The following CNTNAP5 variants were observed in gnomAD, a reference collection of about 807,000 sequenced individuals.
The protein encoded by CNTNAP5 is contactin-associated protein-like 5.
In CNTNAP5, 72 loss-of-function variants were observed where a neutral mutation model predicts 150.2. That is an observed-to-expected ratio of 0.48 (90% CI 0.40 to 0.58). The LOEUF is 0.58. Among genes scored for constraint, CNTNAP5 ranks in the 20% least tolerant of loss-of-function variants. The probability of loss-of-function intolerance (pLI) is 0.00; values close to 1 mark genes in which losing one functional copy is unlikely to be tolerated. For missense variants in CNTNAP5, 1,636 were observed against 1,626.2 expected (o/e 1.01, Z -0.10); for synonymous variants, 672 against 619.8 (o/e 1.08, Z -1.25).
At chr2:124,204,962 G>A (rs982109763) in intron 1 of CNTNAP5, among the ~76,000 whole-genome samples, 14 of 152,274 alleles carry the variant, frequency 9.2e-5, no homozygotes, top group Admixed American at 3.3e-4. Flanking sequence ...CTGAGGCCAG[G>A]AAGTTCACTA....
At chr2:124,600,976 T>G (rs1473473134) in intron 11 of CNTNAP5, among the ~76,000 whole-genome samples, 1 of 152,290 alleles carries the variant, frequency 6.6e-6, no homozygotes, top group South Asian at 2.1e-4. Flanking sequence ...ATCAGTCACC[T>G]TTGCAAGTGA....
At chr2:124,647,985 G>A in intron 13 of CNTNAP5, 27 bp downstream of exon 13, 1 of 1,565,816 alleles carries the variant, frequency 6.4e-7, no homozygotes, top group South Asian at 1.2e-5. Context: ...CATGACCACA[G>A]TGGGATAGAT....
At chr2:124,156,215 G>A (rs79594981) in intron 1 of CNTNAP5, among the ~76,000 whole-genome samples, 8,135 of 152,298 alleles carry the variant, frequency 0.053, 427 homozygotes, top group East Asian at 0.24. Flanking sequence ...AGCAAGACCA[G>A]TGTGGAGCAG....
At chr2:124,298,384 G>T (rs2104643021) in intron 3 of CNTNAP5, among the ~76,000 whole-genome samples, 2 of 152,274 alleles carry the variant, frequency 1.3e-5, no homozygotes, top group South Asian at 4.1e-4. Flanking sequence ...GGTACAGGGA[G>T]AAGGCTTGGA....
intron 13 of CNTNAP5, among the ~76,000 whole-genome samples, chr2:124,653,910 AAC>A (rs1491109649): frequency 5.4e-5 from 1 of 18,382 alleles, no homozygotes; most frequent in African/African-American, 2.1e-4. Context: ...CACTGCCCCC[AAC>A]CCCCCCCCCC....
At chr2:124,391,973 A>G (rs1691125263) in intron 3 of CNTNAP5, among the ~76,000 whole-genome samples, 1 of 152,110 alleles carries the variant, frequency 6.6e-6, no homozygotes. Context: ...AAAACAACAA[A>G]AAAGGGAAAG....
intron 21 of CNTNAP5, among the ~76,000 whole-genome samples, chr2:124,870,409 T>G (rs1262182380): frequency 2.6e-5 from 4 of 152,098 alleles, no homozygotes; most frequent in Non-Finnish European, 5.9e-5. Flanking sequence ...TTCTTTCAAT[T>G]TTTCCTTTTC....
In CNTNAP5 at chr2:124,504,488, G is replaced by C. The variant is rs774172747; in HGVS notation, c.1259G>C (p.Ser420Thr). Residue 420 changes from serine (S) to threonine (T), a missense_variant, in exon 8 of 24, where the codon AGC becomes ACC. Physicochemically the swap from Ser to Thr is moderately conservative, Grantham distance 58 (BLOSUM62 1). Coordinates refer to ENST00000682447, the MANE Select transcript of CNTNAP5 (RefSeq NM_001367498.1). The stretch of plus-strand genomic sequence containing the variant: ...GAGGGCTCGGGAACCCTGCTGCTGA[G>C]CCTGGAGGGTGGAATCCTGAGACTC... ...LSEGSGTLLL[S>T]LEGGILRLVI... 6.8e-6 allele frequency: 11 copies of C among 1,613,790 alleles called. No homozygotes were observed. The highest frequency in any genetic ancestry group is 9.3e-6 in the Non-Finnish European group (11 of 1,179,790).
intron 3 of CNTNAP5, among the ~76,000 whole-genome samples, chr2:124,349,731 T>C (rs951235430): frequency 6.6e-6 from 1 of 152,158 alleles, no homozygotes; most frequent in Non-Finnish European, 1.5e-5. Flanking sequence ...ATATTTTTAC[T>C]CTGAAATAGT....
At position 124,914,289 on chromosome 2, in the gene CNTNAP5, G is replaced by A. The variant is rs764903687; in HGVS notation, c.*1G>A. ...GTGTAAACGGGAATATTTCATCTGA[G>A]AAACTGCAGGGTTCCTACTACTCTT... On this transcript the variant is annotated 3_prime_UTR_variant, in exon 24 of 24. Transcript: ENST00000682447. The A allele has an allele frequency of 1.2e-6, 2 of 1,605,620 alleles. No individual in the cohort carries two copies. Among genetic ancestry groups the A allele is most frequent in the East Asian group, 2.2e-5 (1 of 44,646 alleles).
At chr2:124,840,624 G>A (rs1456541188) in intron 19 of CNTNAP5, among the ~76,000 whole-genome samples, 1 of 152,026 alleles carries the variant, frequency 6.6e-6, no homozygotes, top group African/African-American at 2.4e-5. Flanking sequence ...TCACAATCCA[G>A]AAAAGCTTTC....
intron 1 of CNTNAP5, among the ~76,000 whole-genome samples, chr2:124,157,299 A>G (rs1415410044): frequency 6.6e-6 from 1 of 152,166 alleles, no homozygotes; most frequent in Non-Finnish European, 1.5e-5. Flanking sequence ...CATTTGATAA[A>G]TGTTTTTGAA....
At chr2:124,626,997 G>A (rs1677738175) in intron 12 of CNTNAP5, among the ~76,000 whole-genome samples, 1 of 152,158 alleles carries the variant, frequency 6.6e-6, no homozygotes, top group Non-Finnish European at 1.5e-5. Flanking sequence ...TGGCTAGATG[G>A]CTTCTTTAGA....
At chr2:124,138,777 C>T (rs1249849714) in intron 1 of CNTNAP5, among the ~76,000 whole-genome samples, 1 of 152,062 alleles carries the variant, frequency 6.6e-6, no homozygotes, top group African/African-American at 2.4e-5. Context: ...CATGTAAGAA[C>T]CTACATGATC....
intron 7 of CNTNAP5, among the ~76,000 whole-genome samples, chr2:124,475,750 C>T (rs1693624818): frequency 6.6e-6 from 1 of 152,096 alleles, no homozygotes; most frequent in Non-Finnish European, 1.5e-5. Context: ...CTTTTCCCAT[C>T]CTTTTGCTCT....
intron 13 of CNTNAP5, among the ~76,000 whole-genome samples, chr2:124,736,822 T>A (rs1276380150): frequency 6.6e-6 from 1 of 152,232 alleles, no homozygotes; most frequent in East Asian, 1.9e-4. Context: ...TTTGGTCATT[T>A]GTTCATTCAG....
At chr2:124,147,479 A>T (rs1000399401) in intron 1 of CNTNAP5, among the ~76,000 whole-genome samples, 10 of 152,226 alleles carry the variant, frequency 6.6e-5, no homozygotes, top group Admixed American at 1.3e-4. Context: ...TTTGGGAAAA[A>T]CATATTTGAT....
At chr2:124,762,679 G>A (rs1251159605) in intron 14 of CNTNAP5, among the ~76,000 whole-genome samples, 2 of 152,030 alleles carry the variant, frequency 1.3e-5, no homozygotes, top group Non-Finnish European at 2.9e-5. Flanking sequence ...TAGGACCTGG[G>A]GACTGAGATT....
At chr2:124,748,702 G>C (rs1400880719) in intron 14 of CNTNAP5, among the ~76,000 whole-genome samples, 1 of 152,106 alleles carries the variant, frequency 6.6e-6, no homozygotes, top group African/African-American at 2.4e-5. Context: ...GTTCAGCAAG[G>C]AAAGGACCAG....
Sources: gnomAD v4.1 joint callset for allele counts (sites outside exome capture counted in the v4.1 genomes callset) on GRCh38, gnomAD v4.1.1 for gene constraint, MANE v1.5 for transcripts, NCBI Gene and HGNC (gene_info 2026-07-23, HGNC 2026-07-21) for gene names.